The following DNAH10 variants were observed in gnomAD, a reference collection of about 807,000 sequenced individuals.
DNAH10 encodes axonemal beta dynein heavy chain 10.
Under a neutral mutation model 506.6 loss-of-function variants are expected in DNAH10, and 348 were observed. The observed-to-expected ratio is 0.69, with a 90% CI of 0.63 to 0.75. The LOEUF is 0.75. Among genes scored for constraint, DNAH10 ranks in the 30% least tolerant of loss-of-function variants. The pLI is 0.00. For missense variants in DNAH10, 5,179 were observed against 5,787.1 expected (o/e 0.89, Z 3.41); for synonymous variants, 2,059 against 2,198.6 (o/e 0.94, Z 1.78).
chr12:123,769,668 A>T (rs1255570279), intron 2 of DNAH10, among the ~76,000 whole-genome samples: 1 of 151,934 alleles, frequency 6.6e-6, no homozygotes, highest in Non-Finnish European at 1.5e-5. Context: ...ATTATTATAT[A>T]TTTTCTTCTT....
At chr12:123,914,710 G>A (rs1048950127) in intron 61 of DNAH10, 142 bp from the exon 62 acceptor site, 7 of 1,401,536 alleles carry the variant, frequency 5.0e-6, no homozygotes, top group Admixed American at 2.4e-5. Context: ...AACCCAGCAC[G>A]GAGCCCTTCT....
intron 37 of DNAH10, among the ~76,000 whole-genome samples, chr12:123,858,265 C>T (rs1219748748): frequency 6.6e-6 from 1 of 151,998 alleles, no homozygotes; most frequent in Non-Finnish European, 1.5e-5. Flanking sequence ...AAGCCAAACA[C>T]GTATTGATTG....
Position 123,909,411 on chromosome 12 carries a change from G to A in DNAH10, c.9966G>A (p.Ser3322=), listed in dbSNP as rs369490257. 67 of 1,606,884 alleles carry A rather than the reference G, an allele frequency of 4.2e-5. No individual in the cohort carries two copies. The highest frequency in any genetic ancestry group is 5.6e-5 in the Non-Finnish European group (66 of 1,176,362). ...LRSLMEIDFD[S]ITQSQVKNIK... The stretch of plus-strand genomic sequence containing the variant: ...CTCTGATGGAGATTGATTTTGATTC[G>A]ATTACCCAGAGCCAAGTGAAAAACA... The change falls in exon 58 of 79, where the codon TCG becomes TCA. Residue 3322 remains serine (S), a synonymous_variant. Transcript: ENST00000673944. This position sits in a 1 kb window ranked among gnomAD's most constrained non-coding sequence, Gnocchi z 5.4.
intron 11 of DNAH10, among the ~76,000 whole-genome samples, chr12:123,792,653 G>A (rs1331922844): frequency 6.6e-6 from 1 of 151,924 alleles, no homozygotes; most frequent in Non-Finnish European, 1.5e-5. Flanking sequence ...TAGAGACAGA[G>A]TTTCGCCATG....
chr12:123,860,928 C>A (rs189827972), intron 38 of DNAH10, 84 bp from the exon 39 acceptor site: 353 of 1,585,280 alleles, frequency 2.2e-4, no homozygotes, highest in Middle Eastern at 2.0e-3. Context: ...GTCAAAACAT[C>A]TAATTCCTCA....
intron 57 of DNAH10, among the ~76,000 whole-genome samples, chr12:123,904,522 T>TG (rs906466249): frequency 5.9e-5 from 9 of 151,312 alleles, no homozygotes; most frequent in South Asian, 2.1e-4. Context: ...GGTGGAGGAG[T>TG]GGGGGGGAGC....
rs966029830 is a variant in DNAH10, at chr12:123,907,528, G to A, written c.9816-1733G>A. 6.6e-6 allele frequency among the ~76,000 whole-genome samples: 1 copy of A among 152,152 alleles called. No individual in the cohort carries two copies. The highest frequency in any genetic ancestry group is 6.5e-5 in the Admixed American group (1 of 15,280). ...TTCTGGATAAGTGAGATCCCAGAGC[G>A]TGGCCTGCAACCCAACAGCAGAAAA... On this transcript the variant is annotated intron_variant, in intron 57 of 78. Coordinates refer to ENST00000673944, the MANE Select transcript of DNAH10 (RefSeq NM_001372106.1). The surrounding 1 kb of genome is among the most constrained non-coding windows in gnomAD (Gnocchi z 4.4).
intron 5 of DNAH10, among the ~76,000 whole-genome samples, chr12:123,774,741 G>A (rs919751476): frequency 3.3e-5 from 5 of 152,238 alleles, no homozygotes; most frequent in Admixed American, 6.5e-5. Context: ...CACCCTGGGC[G>A]GGCCAGGTGT....
At chr12:123,930,259 T>G in intron 72 of DNAH10, 143 bp from the exon 73 acceptor site, 1 of 731,668 alleles carries the variant, frequency 1.4e-6, no homozygotes, top group Non-Finnish European at 2.1e-6. Context: ...GCCCGAAAGG[T>G]TATGCAAGTC....
intron 1 of DNAH10, among the ~76,000 whole-genome samples, chr12:123,766,017 T>G (rs1419246041): frequency 2.6e-5 from 4 of 152,212 alleles, no homozygotes; most frequent in African/African-American, 9.6e-5. Flanking sequence ...TTTATCTACC[T>G]ACCTATACAT....
chr12:123,817,854 G>C (rs1012296881), intron 21 of DNAH10, among the ~76,000 whole-genome samples: 1 of 152,094 alleles, frequency 6.6e-6, no homozygotes, highest in Non-Finnish European at 1.5e-5. Flanking sequence ...AGCAAGCTAA[G>C]CTAAACTTAT....
intron 62 of DNAH10, 23 bp downstream of exon 62, chr12:123,915,022 G>A (rs574852533): frequency 5.4e-5 from 86 of 1,588,394 alleles, no homozygotes; most frequent in Non-Finnish European, 6.8e-5. Flanking sequence ...CTCCCAGGGC[G>A]TCTTCTGCCC....
intron 52 of DNAH10, among the ~76,000 whole-genome samples, chr12:123,890,807 G>T (rs915636543): frequency 1.3e-5 from 2 of 152,160 alleles, no homozygotes; most frequent in African/African-American, 2.4e-5. Flanking sequence ...TTTGGCTGTG[G>T]GTTGGGGGAG....
chr12:123,854,151 C>T (rs111659180), intron 36 of DNAH10, among the ~76,000 whole-genome samples: 3 of 128,984 alleles, frequency 2.3e-5, no homozygotes, highest in African/African-American at 8.8e-5. Context: ...AAATGTAAAA[C>T]ACTATAAAGT....
At chr12:123,918,536 G>A (rs752009859) in intron 64 of DNAH10, 140 bp from the exon 65 acceptor site, 1 of 1,009,334 alleles carries the variant, frequency 9.9e-7, no homozygotes. Context: ...GAGGGTGGGT[G>A]CCCTCGCTCC....
chr12:123,820,561 C>T lies in DNAH10; in HGVS notation c.4001-19C>T, dbSNP rs763411336. 23 of 1,607,224 alleles carry T rather than the reference C, an allele frequency of 1.4e-5. 1 individual carries two copies. Among genetic ancestry groups the T allele is most frequent in the Admixed American group, 3.4e-5 (2 of 59,142 alleles). ...CTTAAAATTGTATTTATTCACTCAT[C>T]GGTGTATTTATTTACTAGGAGTAGA... On this transcript the variant is annotated intron_variant, in intron 23 of 78. Transcript: ENST00000673944.
Position 123,850,530 on chromosome 12 carries a change from A to G in DNAH10, c.6103-358A>G, listed in dbSNP as rs1190874511. Among the ~76,000 whole-genome samples the G allele has an allele frequency of 6.6e-6, 1 of 152,160 alleles. No individual in the cohort carries two copies. Among genetic ancestry groups the G allele is most frequent in the African/African-American group, 2.4e-5 (1 of 41,452 alleles). On this transcript the variant is annotated intron_variant, in intron 34 of 78. Transcript: ENST00000673944. This position sits in a 1 kb window ranked among gnomAD's most constrained non-coding sequence, Gnocchi z 5.5. Reference sequence around the variant, plus strand: ...ACAGCCGTGCCACGAGGTGGGTTGCATTTCTGTTGTGCAGAAAAATAAACT... The same window carrying G: ...ACAGCCGTGCCACGAGGTGGGTTGCGTTTCTGTTGTGCAGAAAAATAAACT...
At position 123,935,408 on chromosome 12, in the gene DNAH10, C is replaced by G. The variant is rs376425800; in HGVS notation, c.13697C>G (p.Ala4566Gly). ...NAMGVGLVFE[A>G]DLFTTRHISH... ...ATGGGAGTCGGCTTGGTTTTTGAAG[C>G]TGATCTCTTTACCACGAGGCACATT... is the stretch of plus-strand genomic sequence containing the variant. The change falls in exon 79 of 79, where the codon GCT becomes GGT. Residue 4566 changes from alanine to glycine, a missense_variant. Ala to Gly is a moderately conservative substitution (Grantham distance 60). Around this residue, in one of 3 missense-constraint regions of DNAH10, gnomAD observed 4,844 missense variants for 5,430.5 expected, o/e 0.89. Transcript: ENST00000673944. 5 of 1,611,820 alleles carry G rather than the reference C, an allele frequency of 3.1e-6. No homozygotes were observed. The highest frequency in any genetic ancestry group is 1.3e-5 in the African/African-American group (1 of 74,922).
At chr12:123,878,323 G>A (rs932289251) in intron 48 of DNAH10, among the ~76,000 whole-genome samples, 16 of 152,180 alleles carry the variant, frequency 1.1e-4, no homozygotes, top group South Asian at 2.1e-4. Flanking sequence ...GGAAATTCCC[G>A]ATTAAAACTA....
Sources: gnomAD v4.1 joint callset for allele counts (sites outside exome capture counted in the v4.1 genomes callset) on GRCh38, gnomAD v4.1.1 for gene constraint, gnomAD v4.1.1 regional missense constraint, Gnocchi (gnomAD v3.1) non-coding constraint, MANE v1.5 for transcripts, NCBI Gene and HGNC (gene_info 2026-07-23, HGNC 2026-07-21) for gene names.